The following RIGI variants were observed in gnomAD, a reference collection of about 807,000 sequenced individuals.
RIGI encodes the protein RNA sensor RIG-I, also known as antiviral innate immune response receptor RIG-I.
At chr9:32,499,316 GTTTTTT>G in the RIGI span, among the ~76,000 whole-genome samples, 8 of 57,652 alleles carry the variant, frequency 1.4e-4, no homozygotes, top group East Asian at 1.2e-3. Flanking sequence ...TTTGTGATTT[GTTTTTT>G]TTTTTTTTTT....
chr9:32,477,205 C>G, the RIGI span: 1 of 1,532,424 alleles, frequency 6.5e-7, no homozygotes, highest in Admixed American at 1.9e-5. Context: ...CTTTAGCTAT[C>G]GTTCAAACAG....
the RIGI span, chr9:32,492,275 G>A: frequency 1.7e-5 from 19 of 1,120,910 alleles, no homozygotes; most frequent in African/African-American, 1.1e-4. Context: ...TGCTGGTCTC[G>A]CGTTAGAGAT....
the RIGI span, among the ~76,000 whole-genome samples, chr9:32,516,605 T>C: frequency 3.9e-5 from 6 of 152,208 alleles, no homozygotes; most frequent in Admixed American, 2.0e-4. Flanking sequence ...GATAAGTGAG[T>C]GTCCTTTCTT....
chr9:32,520,937 C>A, the RIGI span, among the ~76,000 whole-genome samples: 1 of 151,628 alleles, frequency 6.6e-6, no homozygotes, highest in Non-Finnish European at 1.5e-5. Context: ...GCTGAGGCCA[C>A]GAGTTGGAGA....
chr9:32,482,480 G>A, the RIGI span, among the ~76,000 whole-genome samples: 3 of 152,216 alleles, frequency 2.0e-5, no homozygotes, highest in East Asian at 5.8e-4. Flanking sequence ...AAATAAAACA[G>A]TAGACATGAA....
the RIGI span, chr9:32,456,052 T>C: frequency 6.6e-6 from 1 of 152,140 alleles, no homozygotes; most frequent in Non-Finnish European, 1.5e-5. Flanking sequence ...CAGCAAACCT[T>C]GCTAAGTGAC....
the RIGI span, among the ~76,000 whole-genome samples, chr9:32,496,445 A>G: frequency 1.3e-5 from 2 of 152,184 alleles, no homozygotes; most frequent in Non-Finnish European, 2.9e-5. Flanking sequence ...CCAATCCATT[A>G]AAGACCAAAA....
the RIGI span, chr9:32,488,238 C>T: frequency 5.6e-6 from 9 of 1,601,888 alleles, no homozygotes; most frequent in African/African-American, 5.4e-5. Context: ...TTACTAACCA[C>T]GATGTGGATA....
chr9:32,501,644 G>T, the RIGI span, among the ~76,000 whole-genome samples: 4 of 152,180 alleles, frequency 2.6e-5, no homozygotes, highest in African/African-American at 9.7e-5. Flanking sequence ...TAATAAAAAT[G>T]CTACCATGGT....
At chr9:32,520,626 G>A in the RIGI span, among the ~76,000 whole-genome samples, 3 of 152,262 alleles carry the variant, frequency 2.0e-5, no homozygotes, top group South Asian at 2.1e-4. Context: ...AGGTGAGCAC[G>A]TGAGCTTGTA....
At chr9:32,480,390 A>G in the RIGI span, 5 of 1,554,440 alleles carry the variant, frequency 3.2e-6, no homozygotes, top group Middle Eastern at 1.7e-4. Flanking sequence ...TATGCTTCCA[A>G]TGTCTAACAC....
chr9:32,515,413 C>A, the RIGI span, among the ~76,000 whole-genome samples: 9 of 151,668 alleles, frequency 5.9e-5, no homozygotes, highest in Admixed American at 2.6e-4. Context: ...TAATGTATTC[C>A]CTTCTCAATA....
chr9:32,472,180 G>A, the RIGI span, among the ~76,000 whole-genome samples: 4 of 152,140 alleles, frequency 2.6e-5, no homozygotes, highest in African/African-American at 9.7e-5. Context: ...ATACACAAAA[G>A]CTATGCATAT....
At chr9:32,501,342 A>AT in the RIGI span, among the ~76,000 whole-genome samples, 8 of 148,300 alleles carry the variant, frequency 5.4e-5, no homozygotes, top group African/African-American at 7.3e-5. Context: ...AAAAAAAAAA[A>AT]AAAATTTTTT....
chr9:32,502,936 T>C, the RIGI span, among the ~76,000 whole-genome samples: 2 of 152,336 alleles, frequency 1.3e-5, no homozygotes, highest in South Asian at 4.1e-4. Flanking sequence ...ACTAATTACC[T>C]CTGTAAAGAA....
the RIGI span, chr9:32,481,554 T>G: frequency 2.4e-6 from 3 of 1,257,074 alleles, no homozygotes; most frequent in African/African-American, 4.6e-5. Flanking sequence ...TCATTTAGGG[T>G]TATAAACAGG....
chr9:32,520,467 T>C, the RIGI span, among the ~76,000 whole-genome samples: 1 of 152,082 alleles, frequency 6.6e-6, no homozygotes, highest in African/African-American at 2.4e-5. Flanking sequence ...AAGACACCAA[T>C]ACCTGCTAAA....
At chr9:32,512,280 G>A in the RIGI span, among the ~76,000 whole-genome samples, 167 of 152,232 alleles carry the variant, frequency 1.1e-3, no homozygotes, top group African/African-American at 3.9e-3. Context: ...GAAAATTTCA[G>A]GCCAATATTC....
the RIGI span, among the ~76,000 whole-genome samples, chr9:32,499,311 G>GTTTTTTTTTTTTTTTT: frequency 6.9e-4 from 56 of 81,104 alleles, 3 homozygotes; most frequent in Non-Finnish European, 8.2e-4. Context: ...CAGAGTTTGT[G>GTTTTTTTTTTTTTTTT]ATTTGTTTTT....
Sources: gnomAD v4.1 joint callset for allele counts (sites outside exome capture counted in the v4.1 genomes callset) on GRCh38, gnomAD v4.1.1 for gene constraint, MANE v1.5 for transcripts, NCBI Gene and HGNC (gene_info 2026-07-23, HGNC 2026-07-21) for gene names.